SLC24A2: variants seen among roughly 807,000 people sequenced by gnomAD.
SLC24A2 encodes the protein sodium/potassium/calcium exchanger 2.
Under a neutral mutation model 62.0 loss-of-function variants are expected in SLC24A2, and 36 were observed. That is an observed-to-expected ratio of 0.58 (90% CI 0.44 to 0.77). SLC24A2 has a LOEUF of 0.77. Among genes scored for constraint, SLC24A2 ranks in the 30% least tolerant of loss-of-function variants. The pLI, the probability that SLC24A2 is intolerant of heterozygous loss-of-function variation, is 0.00. For synonymous variants in SLC24A2, 358 were observed against 294.0 expected (o/e 1.22, Z -2.23); for missense variants, 846 against 817.9 (o/e 1.03, Z -0.42).
At chr9:19,752,523 G>GGGGAGCTGGACCCTGACCCAGCCCCTT (rs1822015267) in intron 2 of SLC24A2, among the ~76,000 whole-genome samples, 2 of 151,142 alleles carry the variant, frequency 1.3e-5, no homozygotes, top group Non-Finnish European at 3.0e-5. Context: ...ACGCAATCCT[G>GGGGAGCTGGACCCTGACCCAGCCCCTT]GGGAGCTGGA....
the SLC24A2 span, among the ~76,000 whole-genome samples, chr9:20,051,222 A>G: frequency 6.7e-4 from 102 of 152,292 alleles, 1 homozygote; most frequent in East Asian, 0.018. Flanking sequence ...TAATAACAAT[A>G]TTAATATCAA....
chr9:20,022,857 G>A, the SLC24A2 span, among the ~76,000 whole-genome samples: 2 of 152,156 alleles, frequency 1.3e-5, no homozygotes. Context: ...AAAAAAGCAT[G>A]TATTGGAATA....
At chr9:19,546,269 G>C (rs946584971) in intron 8 of SLC24A2, among the ~76,000 whole-genome samples, 5 of 152,260 alleles carry the variant, frequency 3.3e-5, no homozygotes, top group African/African-American at 1.2e-4. Context: ...GGACGTTTAA[G>C]TCTGCTGAAG....
At chr9:20,226,067 G>T in the SLC24A2 span, among the ~76,000 whole-genome samples, 2 of 152,098 alleles carry the variant, frequency 1.3e-5, no homozygotes, top group Non-Finnish European at 2.9e-5. Context: ...CAGTTCCTAA[G>T]GATGAATCAG....
At chr9:20,190,770 G>C in the SLC24A2 span, among the ~76,000 whole-genome samples, 1 of 152,134 alleles carries the variant, frequency 6.6e-6, no homozygotes, top group Non-Finnish European at 1.5e-5. Flanking sequence ...TTCTGGCTTT[G>C]CTACTTAGCA....
the SLC24A2 span, among the ~76,000 whole-genome samples, chr9:20,144,156 A>G: frequency 6.6e-6 from 1 of 152,248 alleles, no homozygotes; most frequent in Non-Finnish European, 1.5e-5. Flanking sequence ...TGCTTTTCAC[A>G]GAGGATTCTT....
the SLC24A2 span, among the ~76,000 whole-genome samples, chr9:20,216,183 A>C: frequency 3.3e-5 from 5 of 152,224 alleles, no homozygotes; most frequent in African/African-American, 1.2e-4. Context: ...CTAATGCAAA[A>C]TACGTTTCCT....
At chr9:19,872,389 C>T in the SLC24A2 span, among the ~76,000 whole-genome samples, 2 of 152,192 alleles carry the variant, frequency 1.3e-5, no homozygotes, top group African/African-American at 2.4e-5. Context: ...CTCACTCTCA[C>T]TGGGCAGGTG....
the SLC24A2 span, among the ~76,000 whole-genome samples, chr9:20,073,891 C>T: frequency 0.46 from 39,715 of 86,828 alleles, 6,739 homozygotes; most frequent in East Asian, 0.77. Context: ...TATATATATA[C>T]ACACATATAT....
At chr9:19,782,553 ATAT>A (rs1212385430) in intron 2 of SLC24A2, among the ~76,000 whole-genome samples, 1 of 152,204 alleles carries the variant, frequency 6.6e-6, no homozygotes, top group Non-Finnish European at 1.5e-5. Context: ...AATACAGCAA[ATAT>A]TATATAACCC....
chr9:19,619,094 C>T (rs190701546), intron 4 of SLC24A2, among the ~76,000 whole-genome samples: 172 of 152,248 alleles, frequency 1.1e-3, no homozygotes, highest in Non-Finnish European at 1.9e-3. Context: ...TCACCTCCCA[C>T]CCTCCAATTG....
At chr9:19,561,020 G>C (rs999046066) in intron 7 of SLC24A2, among the ~76,000 whole-genome samples, 2 of 152,040 alleles carry the variant, frequency 1.3e-5, no homozygotes, top group Admixed American at 1.3e-4. Flanking sequence ...CCGCCTCCCA[G>C]GTTTGAGGAA....
At chr9:20,217,915 T>C in the SLC24A2 span, among the ~76,000 whole-genome samples, 1 of 152,210 alleles carries the variant, frequency 6.6e-6, no homozygotes, top group African/African-American at 2.4e-5. Context: ...CTCCAAGCAT[T>C]TCATTAAACC....
intron 8 of SLC24A2, among the ~76,000 whole-genome samples, chr9:19,531,211 T>C (rs1833692730): frequency 6.6e-6 from 1 of 152,178 alleles, no homozygotes; most frequent in African/African-American, 2.4e-5. Flanking sequence ...ACCATTTCCA[T>C]TTTCACACCC....
At chr9:19,783,902 G>C (rs1279408844) in intron 2 of SLC24A2, among the ~76,000 whole-genome samples, 1 of 152,088 alleles carries the variant, frequency 6.6e-6, no homozygotes, top group African/African-American at 2.4e-5. Flanking sequence ...AAAGCTATTT[G>C]GTGCTAAATG....
At chr9:20,073,568 C>T in the SLC24A2 span, among the ~76,000 whole-genome samples, 25 of 151,976 alleles carry the variant, frequency 1.6e-4, no homozygotes, top group East Asian at 2.9e-3. Context: ...AGAGTTTTGC[C>T]TAAGTTTTGA....
the SLC24A2 span, among the ~76,000 whole-genome samples, chr9:20,161,209 T>C: frequency 1.3e-5 from 2 of 151,438 alleles, no homozygotes; most frequent in African/African-American, 4.8e-5. Context: ...AGGCTTTAAA[T>C]GACAAATTTC....
At chr9:20,253,098 T>A in the SLC24A2 span, among the ~76,000 whole-genome samples, 1 of 152,214 alleles carries the variant, frequency 6.6e-6, no homozygotes, top group Admixed American at 6.5e-5. Flanking sequence ...TAGTGGGAAT[T>A]TTAGGATAGG....
At chr9:19,848,582 C>T in the SLC24A2 span, among the ~76,000 whole-genome samples, 1 of 151,986 alleles carries the variant, frequency 6.6e-6, no homozygotes, top group African/African-American at 2.4e-5. Flanking sequence ...TGGTCCTAGG[C>T]AAGAGTTAGC....
Sources: gnomAD v4.1 joint callset for allele counts (sites outside exome capture counted in the v4.1 genomes callset) on GRCh38, gnomAD v4.1.1 for gene constraint, MANE v1.5 for transcripts, NCBI Gene and HGNC (gene_info 2026-07-23, HGNC 2026-07-21) for gene names.